Variants in NRXN3 observed in about 807,000 individuals in gnomAD.
The protein encoded by NRXN3 is neurexin 3, also known as neurexin III.
In NRXN3, 32 loss-of-function variants were observed where a neutral mutation model predicts 137.6. The ratio of observed to expected loss-of-function variants is 0.23; its 90% CI spans 0.18 to 0.31. NRXN3 has a LOEUF of 0.31. Ranked by LOEUF, NRXN3 falls within the 10% of genes least tolerant of loss-of-function variation. The probability of loss-of-function intolerance (pLI) is 1.00; values close to 1 mark genes in which losing one functional copy is unlikely to be tolerated. For synonymous variants in NRXN3, 798 were observed against 784.5 expected (o/e 1.02, Z -0.29); for missense variants, 1,574 against 2,062.5 (o/e 0.76, Z 4.59).
intron 8 of NRXN3, among the ~76,000 whole-genome samples, chr14:78,795,250 TAAAAG>T (rs953846548): frequency 7.2e-5 from 11 of 152,240 alleles, no homozygotes; most frequent in African/African-American, 2.4e-4. Flanking sequence ...ATCGTACAGA[TAAAAG>T]AAACATACAT....
intron 4 of NRXN3, among the ~76,000 whole-genome samples, chr14:78,483,728 A>G (rs1008635701): frequency 6.6e-6 from 1 of 152,160 alleles, no homozygotes; most frequent in Admixed American, 6.5e-5. Flanking sequence ...AGCCTTGGGA[A>G]ATTCCAGGTG....
intron 15 of NRXN3, among the ~76,000 whole-genome samples, chr14:79,439,414 T>C (rs2095895663): frequency 6.6e-6 from 1 of 152,258 alleles, no homozygotes; most frequent in Admixed American, 6.5e-5. Context: ...TACTTGCTAA[T>C]GGCCACCACG....
At position 79,374,260 on chromosome 14, in the gene NRXN3, C is replaced by T. The variant is rs1237603796; in HGVS notation, c.3263-92961C>T. 2.6e-5 allele frequency among the ~76,000 whole-genome samples: 4 copies of T among 152,040 alleles called. No individual in the cohort carries two copies. In the East Asian group the frequency reaches 7.7e-4, roughly 29 times the overall value. On this transcript the variant is annotated intron_variant, in intron 15 of 20. Coordinates refer to ENST00000335750, the MANE Select transcript of NRXN3 (RefSeq NM_001330195.2). ...CCGTAATTAACTGAACAGATGACTC[C>T]CTGTTGGCCAAAGGGACCCCAGAAA...
intron 8 of NRXN3, among the ~76,000 whole-genome samples, chr14:78,800,282 T>A (rs1025283206): frequency 1.2e-4 from 18 of 152,192 alleles, no homozygotes; most frequent in African/African-American, 4.1e-4. Context: ...TTACTTGATA[T>A]CTAGAAAATG....
rs1367992560 is a variant in NRXN3 at position 78,235,022 on chromosome 14, A to ATATATATATG, written c.-703-7368_-703-7367insATATATATGT. 6.9e-5 allele frequency among the ~76,000 whole-genome samples: 4 copies of ATATATATATG among 58,084 alleles called. 1 individual carries two copies. The highest frequency in any genetic ancestry group is 1.5e-4 in the Non-Finnish European group (4 of 27,556). 38.1% of individuals were successfully genotyped at this position (58,084 alleles called of 152,430 possible). On this transcript the variant is annotated intron_variant, in intron 1 of 20. Transcript: ENST00000335750. ...TATATATATATATATATATATATAT[A>ATATATATATG]TGTGTATATATATATGTGTGTGTGT...
intron 8 of NRXN3, among the ~76,000 whole-genome samples, chr14:78,739,581 C>T (rs1239450610): frequency 6.6e-6 from 1 of 152,200 alleles, no homozygotes; most frequent in African/African-American, 2.4e-5. Context: ...AAGCGATTCT[C>T]CTGCTTCAGC....
At chr14:78,953,839 T>G (rs1360340603) in intron 10 of NRXN3, among the ~76,000 whole-genome samples, 1 of 152,238 alleles carries the variant, frequency 6.6e-6, no homozygotes, top group African/African-American at 2.4e-5. Context: ...TGTACCCAGT[T>G]GCAGATCATA....
chr14:79,322,809 C>T (rs1237924986), intron 15 of NRXN3, among the ~76,000 whole-genome samples: 3 of 152,162 alleles, frequency 2.0e-5, no homozygotes, highest in African/African-American at 2.4e-5. Context: ...CAAATTATTT[C>T]ATTGTACTTA....
intron 14 of NRXN3, among the ~76,000 whole-genome samples, chr14:78,975,691 T>C: frequency 6.6e-6 from 1 of 152,170 alleles, no homozygotes; most frequent in East Asian, 1.9e-4. Flanking sequence ...TGCCTGTTAC[T>C]TGACTTGGTC....
intron 4 of NRXN3, among the ~76,000 whole-genome samples, chr14:78,307,242 T>C (rs973885114): frequency 6.6e-6 from 1 of 151,962 alleles, no homozygotes; most frequent in Non-Finnish European, 1.5e-5. Flanking sequence ...ATAAATACCA[T>C]CCAAATCAAG....
At chr14:79,728,480 C>T (rs1159173742) in intron 19 of NRXN3, among the ~76,000 whole-genome samples, 1 of 152,192 alleles carries the variant, frequency 6.6e-6, no homozygotes, top group Non-Finnish European at 1.5e-5. Context: ...TGGCGCTCAC[C>T]ACTTCCAGGG....
chr14:79,193,460 G>T (rs1350108195), intron 15 of NRXN3, among the ~76,000 whole-genome samples: 1 of 152,200 alleles, frequency 6.6e-6, no homozygotes, highest in Admixed American at 6.5e-5. Flanking sequence ...TTTAAATTTA[G>T]ATTATATTGC....
chr14:78,413,924 G>A (rs191825337), intron 4 of NRXN3, among the ~76,000 whole-genome samples: 1 of 152,248 alleles, frequency 6.6e-6, no homozygotes, highest in African/African-American at 2.4e-5. Context: ...TGAATCATGG[G>A]GGCAGGTTTT....
intron 10 of NRXN3, among the ~76,000 whole-genome samples, chr14:78,886,058 A>G (rs765804053): frequency 3.9e-5 from 6 of 152,110 alleles, no homozygotes; most frequent in South Asian, 2.1e-4. Flanking sequence ...ACTTTTGGTC[A>G]TATTTCATTG....
At chr14:79,514,000 A>G (rs1474120051) in intron 16 of NRXN3, among the ~76,000 whole-genome samples, 2 of 152,338 alleles carry the variant, frequency 1.3e-5, no homozygotes, top group Middle Eastern at 3.4e-3. Flanking sequence ...GCAAATTAAT[A>G]CATAAAATAC....
intron 10 of NRXN3, among the ~76,000 whole-genome samples, chr14:78,901,221 A>G (rs936366794): frequency 6.6e-6 from 1 of 151,020 alleles, no homozygotes; most frequent in African/African-American, 2.5e-5. Flanking sequence ...TATTTCTTGA[A>G]CCATTTTTTT....
chr14:79,372,526 G>A (rs1006211349), intron 15 of NRXN3, among the ~76,000 whole-genome samples: 2 of 152,048 alleles, frequency 1.3e-5, no homozygotes, highest in Non-Finnish European at 2.9e-5. Context: ...AAAACCACAT[G>A]GAGATAATGC....
chr14:78,491,774 C>T (rs1311952913), intron 4 of NRXN3, among the ~76,000 whole-genome samples: 5 of 152,140 alleles, frequency 3.3e-5, no homozygotes, highest in Non-Finnish European at 5.9e-5. Flanking sequence ...TTGCTTTCTC[C>T]TGTCAAAAGG....
chr14:79,054,724 C>A (rs1428254994), intron 15 of NRXN3, among the ~76,000 whole-genome samples: 1 of 152,118 alleles, frequency 6.6e-6, no homozygotes, highest in Non-Finnish European at 1.5e-5. Context: ...TACAAGCTTT[C>A]CTTTAAGAAT....
Sources: gnomAD v4.1 joint callset for allele counts (sites outside exome capture counted in the v4.1 genomes callset) on GRCh38, gnomAD v4.1.1 for gene constraint, MANE v1.5 for transcripts, NCBI Gene and HGNC (gene_info 2026-07-23, HGNC 2026-07-21) for gene names.